EYA2: variants seen among roughly 807,000 people sequenced by gnomAD.
EYA2 encodes the protein EYA transcriptional coactivator and phosphatase 2.
Under a neutral mutation model 69.2 loss-of-function variants are expected in EYA2, and 31 were observed. The ratio of observed to expected loss-of-function variants is 0.45; its 90% CI spans 0.34 to 0.60. The LOEUF (loss-of-function observed/expected upper bound fraction) is 0.60. Ranked by LOEUF, EYA2 falls within the 20% of genes least tolerant of loss-of-function variation. The probability of loss-of-function intolerance (pLI) is 0.02; values close to 1 mark genes in which losing one functional copy is unlikely to be tolerated. For missense variants in EYA2, 622 were observed against 701.2 expected (o/e 0.89, Z 1.28); for synonymous variants, 257 against 279.4 (o/e 0.92, Z 0.80).
intron 1 of EYA2, among the ~76,000 whole-genome samples, chr20:46,954,512 G>A (rs1038285744): frequency 5.9e-5 from 9 of 152,202 alleles, no homozygotes; most frequent in African/African-American, 9.7e-5. Context: ...AAAGATTTGC[G>A]TAGCACGCAG....
chr20:47,000,256 A>G (rs955462112), intron 2 of EYA2, among the ~76,000 whole-genome samples: 1 of 152,256 alleles, frequency 6.6e-6, no homozygotes, highest in Non-Finnish European at 1.5e-5. Context: ...TATCAGCATC[A>G]TCTCATTTAA....
intron 5 of EYA2, among the ~76,000 whole-genome samples, chr20:47,059,267 A>G (rs986799830): frequency 1.8e-4 from 27 of 152,314 alleles, no homozygotes; most frequent in Middle Eastern, 6.8e-3. Flanking sequence ...TGTCCTTTGT[A>G]TAGTAGGTAT....
chr20:47,031,300 G>A (rs1203289129), intron 5 of EYA2, among the ~76,000 whole-genome samples: 1 of 152,208 alleles, frequency 6.6e-6, no homozygotes, highest in Admixed American at 6.5e-5. Context: ...AGAGGGGTGG[G>A]GAATGAGTTG....
At chr20:47,160,068 G>A (rs750881436) in intron 10 of EYA2, among the ~76,000 whole-genome samples, 13 of 152,174 alleles carry the variant, frequency 8.5e-5, no homozygotes, top group Non-Finnish European at 1.3e-4. Flanking sequence ...TATTTGGAGG[G>A]AGGTGATATC....
At chr20:47,174,326 G>A (rs944808281) in intron 12 of EYA2, among the ~76,000 whole-genome samples, 7 of 152,142 alleles carry the variant, frequency 4.6e-5, no homozygotes, top group South Asian at 2.1e-4. Flanking sequence ...ACATACATAC[G>A]GTCATCTTAA....
intron 9 of EYA2, among the ~76,000 whole-genome samples, chr20:47,131,729 TCTC>T (rs1386462551): frequency 1.3e-5 from 2 of 152,148 alleles, no homozygotes; most frequent in Non-Finnish European, 2.9e-5. Flanking sequence ...GAAACAGTCT[TCTC>T]CTCTGAAGCC....
chr20:46,993,461 A>G (rs1981817651), intron 2 of EYA2, among the ~76,000 whole-genome samples: 1 of 152,172 alleles, frequency 6.6e-6, no homozygotes, highest in African/African-American at 2.4e-5. Context: ...GTCTTCACCC[A>G]GGCTCTGCAG....
chr20:46,963,916 G>C (rs1343672035), intron 1 of EYA2, among the ~76,000 whole-genome samples: 2 of 152,222 alleles, frequency 1.3e-5, no homozygotes, highest in African/African-American at 2.4e-5. Context: ...AGGAGACAGA[G>C]AGAGATGAGG....
At chr20:47,181,649 A>C (rs2034539980) in intron 14 of EYA2, among the ~76,000 whole-genome samples, 1 of 152,202 alleles carries the variant, frequency 6.6e-6, no homozygotes, top group African/African-American at 2.4e-5. Flanking sequence ...CTGGGACTAC[A>C]GGCATGAGCC....
chr20:47,116,933 G>A (rs1249169182), intron 9 of EYA2, among the ~76,000 whole-genome samples: 2 of 151,978 alleles, frequency 1.3e-5, no homozygotes, highest in Admixed American at 1.3e-4. Flanking sequence ...GGCATCACCA[G>A]GTAGCTGGCA....
intron 1 of EYA2, among the ~76,000 whole-genome samples, chr20:46,966,364 G>A (rs1248618747): frequency 1.3e-5 from 2 of 152,172 alleles, no homozygotes; most frequent in Non-Finnish European, 2.9e-5. Context: ...TAAGCACAGG[G>A]ATAGAGCAGG....
intron 10 of EYA2, chr20:47,161,036 C>T (rs148261004): frequency 0.01 from 3,031 of 294,190 alleles, 38 homozygotes; most frequent in Non-Finnish European, 0.013. Context: ...GCGAAGTTTC[C>T]CAGGGTGGCA....
intron 1 of EYA2, among the ~76,000 whole-genome samples, chr20:46,895,490 A>G (rs1041920440): frequency 2.0e-5 from 3 of 152,162 alleles, no homozygotes. Context: ...CCTTCTAGCT[A>G]TTGATATATT....
At chr20:46,929,623 C>T (rs1985580016) in intron 1 of EYA2, among the ~76,000 whole-genome samples, 1 of 152,048 alleles carries the variant, frequency 6.6e-6, no homozygotes, top group African/African-American at 2.4e-5. Flanking sequence ...AGATAGGACA[C>T]AGGACTTGAG....
At chr20:47,056,224 G>T (rs1015826450) in intron 5 of EYA2, among the ~76,000 whole-genome samples, 1 of 152,138 alleles carries the variant, frequency 6.6e-6, no homozygotes, top group Non-Finnish European at 1.5e-5. Context: ...TTTTTAAGAC[G>T]GTGAGAAGGA....
At chr20:47,031,693 T>C (rs1984426267) in intron 5 of EYA2, among the ~76,000 whole-genome samples, 3 of 152,196 alleles carry the variant, frequency 2.0e-5, no homozygotes, top group Non-Finnish European at 1.5e-5. Flanking sequence ...ATTTCATTTG[T>C]TTATCATTTT....
chr20:47,083,469 T>C (rs892340432), intron 7 of EYA2, among the ~76,000 whole-genome samples: 2 of 151,334 alleles, frequency 1.3e-5, no homozygotes, highest in African/African-American at 4.9e-5. Flanking sequence ...TCCCAGCTAC[T>C]TGGGAGGCTG....
chr20:46,955,549 T>C (rs191010602), intron 1 of EYA2, among the ~76,000 whole-genome samples: 11 of 152,346 alleles, frequency 7.2e-5, no homozygotes, highest in Admixed American at 2.6e-4. Flanking sequence ...CTGAAGTATA[T>C]AAAGTAAAAA....
intron 1 of EYA2, among the ~76,000 whole-genome samples, chr20:46,907,949 C>A (rs1984444207): frequency 6.6e-6 from 1 of 152,176 alleles, no homozygotes; most frequent in Non-Finnish European, 1.5e-5. Context: ...TTTCTTGTTC[C>A]CTTCTTTACA....
Sources: gnomAD v4.1 joint callset for allele counts (sites outside exome capture counted in the v4.1 genomes callset) on GRCh38, gnomAD v4.1.1 for gene constraint, MANE v1.5 for transcripts, NCBI Gene and HGNC (gene_info 2026-07-23, HGNC 2026-07-21) for gene names.